ZNF565: variants seen among roughly 807,000 people sequenced by gnomAD.
ZNF565 encodes zinc finger protein 565.
A neutral mutation model predicts 39.4 loss-of-function variants in ZNF565; 27 were observed. The ratio of observed to expected loss-of-function variants is 0.69; its 90% CI spans 0.51 to 0.95. ZNF565 has a LOEUF of 0.95. Among genes scored for constraint, ZNF565 ranks in the 40% least tolerant of loss-of-function variants. ZNF565 has a pLI of 0.00. For synonymous variants in ZNF565, 185 were observed against 216.6 expected (o/e 0.85, Z 1.28); for missense variants, 524 against 621.1 (o/e 0.84, Z 1.66).
At chr19:36,206,736 G>A (rs1976170046) in intron 1 of ZNF565, among the ~76,000 whole-genome samples, 1 of 152,138 alleles carries the variant, frequency 6.6e-6, no homozygotes, top group Non-Finnish European at 1.5e-5. Flanking sequence ...GGAGGCTGAG[G>A]TGAGAGAATC....
intron 3 of ZNF565, 133 bp downstream of exon 3, chr19:36,194,897 G>A (rs1279932219): frequency 3.6e-6 from 5 of 1,389,552 alleles, no homozygotes; most frequent in East Asian, 2.3e-5. Flanking sequence ...CTCTCTCTAT[G>A]GCTGTAGTTT....
chr19:36,230,958 C>T lies in ZNF565; in HGVS notation c.55+14518G>A, dbSNP rs368119509. Among the ~76,000 whole-genome samples, 357 of 152,184 alleles carry T rather than the reference C, an allele frequency of 2.3e-3. 3 individuals are homozygous for T. The highest frequency in any genetic ancestry group is 8.4e-3 in the African/African-American group (348 of 41,534). On this transcript the variant is annotated intron_variant, in intron 1 of 4. Transcript: ENST00000355114. ...CTGGGATTACAGGCACCTGCCACCA[C>T]GCCGGCTAATTTTTGTATTTTTAGT... is the stretch of plus-strand genomic sequence containing the variant.
chr19:36,219,612 G>A (rs148685164), upstream of ZNF565, among the ~76,000 whole-genome samples: 1 of 152,150 alleles, frequency 6.6e-6, no homozygotes, highest in East Asian at 1.9e-4. Context: ...CCAGATGGCT[G>A]GTGATTGTTA....
rs943704839 is a variant in ZNF565, at chr19:36,235,042, T to C, written c.55+10434A>G. Among the ~76,000 whole-genome samples, 7 of 152,026 alleles carry C rather than the reference T, an allele frequency of 4.6e-5. No individual in the cohort carries two copies. In the South Asian group the frequency reaches 1.2e-3, roughly 27 times the overall value. ...TTGTTGGTTGATCTATTCCTTTTCT[T>C]AGAAAGATGAGCATTATTTAGCCAG... On this transcript the variant is annotated intron_variant, in intron 1 of 4. Transcript: ENST00000355114.
chr19:36,230,863 GC>G (rs1455961874), intron 1 of ZNF565, among the ~76,000 whole-genome samples: 1 of 152,086 alleles, frequency 6.6e-6, no homozygotes, highest in African/African-American at 2.4e-5. Flanking sequence ...GTACAGTGGT[GC>G]GATCTCGGCT....
At chr19:36,190,634 A>C (rs1377333873) in intron 4 of ZNF565, among the ~76,000 whole-genome samples, 3 of 151,472 alleles carry the variant, frequency 2.0e-5, no homozygotes, top group Non-Finnish European at 4.4e-5. Context: ...CAAGATGGCG[A>C]GATTATCCCA....
chr19:36,236,556 C>T (rs753111926), intron 1 of ZNF565: 47 of 1,613,950 alleles, frequency 2.9e-5, no homozygotes, highest in African/African-American at 2.7e-5. Context: ...CATTTTCACA[C>T]GAGAGAGAAA....
At chr19:36,238,635 G>T (rs1977734074) in intron 1 of ZNF565, 1 of 166,968 alleles carries the variant, frequency 6.0e-6, no homozygotes, top group East Asian at 1.9e-4. Flanking sequence ...TGTTATACTG[G>T]ATTCATTTCC....
chr19:36,192,811 G>GT (rs202018524), intron 4 of ZNF565, among the ~76,000 whole-genome samples: 7,406 of 145,862 alleles, frequency 0.051, 557 homozygotes, highest in African/African-American at 0.17. Context: ...CAATAAAATG[G>GT]TTTTTTTTTT....
intron 1 of ZNF565, among the ~76,000 whole-genome samples, chr19:36,214,009 CAG>C (rs1482065436): frequency 6.6e-6 from 1 of 152,074 alleles, no homozygotes; most frequent in African/African-American, 2.4e-5. Flanking sequence ...CACACCCACT[CAG>C]GGGACACACG....
intron 1 of ZNF565, among the ~76,000 whole-genome samples, chr19:36,230,672 G>A (rs1977302410): frequency 6.6e-6 from 1 of 152,188 alleles, no homozygotes. Flanking sequence ...AGTGATCAGG[G>A]CCGTGGGCTG....
chr19:36,207,580 A>G (rs1204669688), intron 1 of ZNF565, among the ~76,000 whole-genome samples: 3 of 152,024 alleles, frequency 2.0e-5, no homozygotes, highest in African/African-American at 7.2e-5. Context: ...AACAAAACAA[A>G]CAAACAACAA....
At chr19:36,230,953 C>T (rs1842863128) in intron 1 of ZNF565, among the ~76,000 whole-genome samples, 1 of 152,166 alleles carries the variant, frequency 6.6e-6, no homozygotes, top group African/African-American at 2.4e-5. Context: ...AGGCACCTGC[C>T]ACCACGCCGG....
Position 36,182,765 on chromosome 19 carries a change from T to C in ZNF565, c.1201A>G (p.Ser401Gly). 6.2e-7 allele frequency: 1 copy of C among 1,614,014 alleles called. No homozygotes were observed. The highest frequency in any genetic ancestry group is 2.2e-5 in the East Asian group (1 of 44,888). Residue 401 changes from serine (S) to glycine (G), a missense_variant, in exon 5 of 5, where the codon AGT becomes GGT. By Grantham distance (56) the Ser-to-Gly change is moderately conservative. Transcript: ENST00000304116. ...TGTTGAATGAGGTATGAGCTACGAC[T>C]AAATGCCTTCCCGCAGTCCTTACAT... is the stretch of plus-strand genomic sequence containing the variant. ...YECKDCGKAF[S>G]RSSYLIQHQR...
At chr19:36,209,338 C>T (rs763249984) in intron 1 of ZNF565, among the ~76,000 whole-genome samples, 22 of 151,944 alleles carry the variant, frequency 1.4e-4, no homozygotes, top group Non-Finnish European at 3.1e-4. Flanking sequence ...TCTACAAAAA[C>T]ACAAAAATTA....
chr19:36,200,369 T>C (rs1021926769), intron 2 of ZNF565, among the ~76,000 whole-genome samples: 2 of 152,152 alleles, frequency 1.3e-5, no homozygotes, highest in East Asian at 3.8e-4. Flanking sequence ...ACCTGTTACC[T>C]GTTAATATCA....
At chr19:36,240,550 G>A (rs1568440072) in intron 1 of ZNF565, among the ~76,000 whole-genome samples, 1 of 152,202 alleles carries the variant, frequency 6.6e-6, no homozygotes, top group Non-Finnish European at 1.5e-5. Context: ...CATGGTAATG[G>A]CATGAAAGGT....
intron 2 of ZNF565, among the ~76,000 whole-genome samples, chr19:36,198,169 A>C (rs576105352): frequency 6.6e-6 from 1 of 152,212 alleles, no homozygotes; most frequent in South Asian, 2.1e-4. Context: ...CAGTATATCG[A>C]AGAGATATCT....
chr19:36,218,577 C>T (rs1048931569), upstream of ZNF565, among the ~76,000 whole-genome samples: 17 of 150,638 alleles, frequency 1.1e-4, no homozygotes, highest in Middle Eastern at 0.01. Flanking sequence ...GCCATTCTCC[C>T]GCCTCAGCCT....
Sources: gnomAD v4.1 joint callset for allele counts (sites outside exome capture counted in the v4.1 genomes callset) on GRCh38, gnomAD v4.1.1 for gene constraint, MANE v1.5 for transcripts, NCBI Gene and HGNC (gene_info 2026-07-23, HGNC 2026-07-21) for gene names.